CDK5: variants seen among roughly 807,000 people sequenced by gnomAD.
The protein encoded by CDK5 is cyclin-dependent kinase 5.
Under a neutral mutation model 44.6 loss-of-function variants are expected in CDK5, and 18 were observed. The ratio of observed to expected loss-of-function variants is 0.40; its 90% CI spans 0.28 to 0.60. CDK5 has a LOEUF of 0.60. CDK5 is among the 20% of genes least tolerant of loss of function. The probability of loss-of-function intolerance (pLI) is 0.38; values close to 1 mark genes in which losing one functional copy is unlikely to be tolerated. For synonymous variants in CDK5, 143 were observed against 152.8 expected (o/e 0.94, Z 0.47); for missense variants, 198 against 368.1 (o/e 0.54, Z 3.78).
Position 151,055,381 on chromosome 7 carries a change from A to G in CDK5, c.484-8T>C. ...GTACCACAGTGTGACCACCTGGAGG[A>G]GACCCCCCCCGAAAGGGACCTCCCA... On this transcript the variant is annotated splice_region_variant and splice_polypyrimidine_tract_variant and intron_variant, in intron 7 of 11. Transcript: ENST00000485972. The G allele has an allele frequency of 6.2e-7, 1 of 1,609,220 alleles. No individual in the cohort carries two copies. The highest frequency in any genetic ancestry group is 1.7e-5 in the Admixed American group (1 of 59,988).
chr7:151,056,935 T>A lies in CDK5; in HGVS notation c.167A>T (p.Lys56Met). Reference sequence around the variant, plus strand: ...GACGATGTTCTTGTGCTTCAGCTCCTTGAGTAGGCAGATCTCCCGGAGGGC... The same window carrying A: ...GACGATGTTCTTGTGCTTCAGCTCCATGAGTAGGCAGATCTCCCGGAGGGC... Reference protein sequence around the residue: ...SSALREICLLKELKHKNIVRL... With the variant: ...SSALREICLLMELKHKNIVRL... The change falls in exon 3 of 12, where the codon AAG becomes ATG. Residue 56 changes from lysine (K) to methionine (M), a missense_variant. This residue lies in a region of CDK5 where 53 missense variants were observed against 122.7 expected (regional missense o/e 0.43). Coordinates refer to ENST00000485972, the MANE Select transcript of CDK5 (RefSeq NM_004935.4). The surrounding 1 kb of genome is among the most constrained non-coding windows in gnomAD (Gnocchi z 4.7). The A allele has an allele frequency of 6.2e-7, 1 of 1,613,404 alleles. No homozygotes were observed. The highest frequency in any genetic ancestry group is 2.2e-5 in the East Asian group (1 of 44,876).
chr7:151,055,650 G>C (rs1311850814), intron 6 of CDK5, 44 bp from the exon 7 acceptor site: 1 of 1,586,260 alleles, frequency 6.3e-7, no homozygotes, highest in South Asian at 1.1e-5. Flanking sequence ...CCTTTAAAAA[G>C]CCTTGGGACA....
In CDK5 at chr7:151,054,272, G is replaced by A. The variant is rs1467892871; in HGVS notation, c.732C>T (p.Ala244=). 1 of 1,613,814 alleles carries A rather than the reference G, an allele frequency of 6.2e-7. No homozygotes were observed. Among genetic ancestry groups the A allele is most frequent in the Non-Finnish European group, 8.5e-7 (1 of 1,179,772 alleles). ...GCACGACGTTCACCAGGGATGTTGT[G>A]GCCGGGTACATCGGATAGGGCTGTG... ...PDYKPYPMYP[A]TTSLVNVVPK... The change falls in exon 11 of 12, where the codon GCC becomes GCT. Residue 244 remains alanine (A), a synonymous_variant. Transcript: ENST00000485972. This position sits in a 1 kb window ranked among gnomAD's most constrained non-coding sequence, Gnocchi z 5.7.
Position 151,056,076 on chromosome 7 carries a change from A to G in CDK5, c.313-228T>C, listed in dbSNP as rs1796887485. 5.2e-6 allele frequency: 3 copies of G among 576,160 alleles called. No homozygotes were observed. In the African/African-American group the frequency reaches 5.6e-5, roughly 11 times the overall value. 35.7% of individuals were successfully genotyped at this position (576,160 alleles called of 1,614,324 possible). A position where few individuals can be genotyped will look rare whatever the true frequency, so the allele number is the denominator to read the frequency against. On this transcript the variant is annotated intron_variant, in intron 5 of 11. Coordinates refer to ENST00000485972, the MANE Select transcript of CDK5 (RefSeq NM_004935.4). The surrounding 1 kb of genome is among the most constrained non-coding windows in gnomAD (Gnocchi z 4.7). ...GCTCTGGTCCCCACCTTCCTGGACC[A>G]TACAGCCTAATGGGCCTTGGCAGGT... is the stretch of plus-strand genomic sequence containing the variant.
In CDK5 at chr7:151,055,865, A is replaced by G; in HGVS notation, c.313-17T>C. 1 of 1,567,700 alleles carries G rather than the reference A, an allele frequency of 6.4e-7. No individual in the cohort carries two copies. Among genetic ancestry groups the G allele is most frequent in the Non-Finnish European group, 8.7e-7 (1 of 1,145,394 alleles). On this transcript the variant is annotated splice_polypyrimidine_tract_variant and intron_variant, in intron 5 of 11. Transcript: ENST00000485972. ...GAGGAATGACTGGGAGGAGAGAGGGAGAAGGGAGTCAGACGCCCTGAACAT... is the reference window on the plus strand; with the variant it reads ...GAGGAATGACTGGGAGGAGAGAGGGGGAAGGGAGTCAGACGCCCTGAACAT...
Position 151,057,666 on chromosome 7 carries a change from G to A in CDK5, c.37+146C>T. The A allele has an allele frequency of 1.2e-6, 1 of 831,688 alleles. No homozygotes were observed. Among genetic ancestry groups the A allele is most frequent in the African/African-American group, 1.7e-5 (1 of 59,574 alleles). 51.5% of individuals were successfully genotyped at this position (831,688 alleles called of 1,614,324 possible). A position where few individuals can be genotyped will look rare whatever the true frequency, so the allele number is the denominator to read the frequency against. On this transcript the variant is annotated intron_variant, in intron 1 of 11. Transcript: ENST00000485972. The surrounding 1 kb of genome is among the most constrained non-coding windows in gnomAD (Gnocchi z 5.2). ...ACACGGGGAAGACTGGTGTCTGCAC[G>A]GAGTGCTGAGCTAGGGGGCCAGGGC... is the stretch of plus-strand genomic sequence containing the variant.
At position 151,056,063 on chromosome 7, in the gene CDK5, A is replaced by T; in HGVS notation, c.313-215T>A. The T allele has an allele frequency of 1.7e-6, 1 of 581,614 alleles. No individual in the cohort carries two copies. The allele number at this position is 581,614 out of a possible 1,614,324, so 36.0% of individuals were successfully genotyped here. ...AGTAAAGAAGCTGGCTCTGGTCCCC[A>T]CCTTCCTGGACCATACAGCCTAATG... On this transcript the variant is annotated intron_variant, in intron 5 of 11. Transcript: ENST00000485972. This position sits in a 1 kb window ranked among gnomAD's most constrained non-coding sequence, Gnocchi z 4.7.
intron 5 of CDK5, 44 bp from the exon 6 acceptor site, chr7:151,055,892 C>G (rs1420592156): frequency 7.4e-7 from 1 of 1,350,594 alleles, no homozygotes; most frequent in Non-Finnish European, 1.0e-6. Context: ...CCTGAACATG[C>G]AACTGTGCCC....
In CDK5 at chr7:151,055,286, T is replaced by C; in HGVS notation, c.571A>G (p.Ile191Val). 1 of 1,613,472 alleles carries C rather than the reference T, an allele frequency of 6.2e-7. No homozygotes were observed. The highest frequency in any genetic ancestry group is 8.5e-7 in the Non-Finnish European group (1 of 1,179,482). ...TSIDMWSAGCIFAELANAGRP... is the reference protein window; with the variant it reads ...TSIDMWSAGCVFAELANAGRP... ...CACCCCAGCACATCACCTGCAAAGA[T>C]GCAGCCGGCTGACCACATGTCGATG... The change falls in exon 8 of 12, where the codon ATC becomes GTC. Residue 191 changes from isoleucine to valine, a missense_variant. Ile to Val is a conservative substitution (Grantham distance 29). Coordinates refer to ENST00000485972, the MANE Select transcript of CDK5 (RefSeq NM_004935.4).
rs73474614 is a variant in CDK5 at position 151,057,702 on chromosome 7, G to A, written c.37+110C>T. On this transcript the variant is annotated intron_variant, in intron 1 of 11. Transcript: ENST00000485972. This position sits in a 1 kb window ranked among gnomAD's most constrained non-coding sequence, Gnocchi z 5.2. ...CTAGGGGGCCAGGGCTGCAGCCGCT[G>A]CTGAGATCGGAGCCTGTAGGCATTG... is the stretch of plus-strand genomic sequence containing the variant. The A allele has an allele frequency of 2.3e-3, 2,732 of 1,203,988 alleles. 54 individuals are homozygous for A. The African/African-American group carries it at 0.036, about 16-fold the overall frequency. 74.6% of individuals were successfully genotyped at this position (1,203,988 alleles called of 1,614,324 possible). A position where few individuals can be genotyped will look rare whatever the true frequency, so the allele number is the denominator to read the frequency against.
chr7:151,054,896 C>T lies in CDK5; in HGVS notation c.650+131G>A. Reference sequence around the variant, plus strand: ...GGTGTCCAGCACCCCTGCTCTCTCCCCTTGCCCTCAGGAGAAGCCCTACAG... The same window carrying T: ...GGTGTCCAGCACCCCTGCTCTCTCCTCTTGCCCTCAGGAGAAGCCCTACAG... On this transcript the variant is annotated intron_variant, in intron 9 of 11. Coordinates refer to ENST00000485972, the MANE Select transcript of CDK5 (RefSeq NM_004935.4). The surrounding 1 kb of genome is among the most constrained non-coding windows in gnomAD (Gnocchi z 5.7). 1.2e-6 allele frequency: 1 copy of T among 856,468 alleles called. No homozygotes were observed. Among genetic ancestry groups the T allele is most frequent in the African/African-American group, 1.7e-5 (1 of 59,642 alleles). The allele number at this position is 856,468 out of a possible 1,614,324, so 53.1% of individuals were successfully genotyped here.
rs1345560261 is a variant in CDK5 at position 151,057,336 on chromosome 7, G to T, written c.38-176C>A. On this transcript the variant is annotated intron_variant, in intron 1 of 11. Transcript: ENST00000485972. This position sits in a 1 kb window ranked among gnomAD's most constrained non-coding sequence, Gnocchi z 5.2. Reference sequence around the variant, plus strand: ...GTGGCAGGTGGGGAGGGAGGAGAAGGTGCCCACCGAGGCTCCAGGGGCTCG... The same window carrying T: ...GTGGCAGGTGGGGAGGGAGGAGAAGTTGCCCACCGAGGCTCCAGGGGCTCG... 1 of 653,860 alleles carries T rather than the reference G, an allele frequency of 1.5e-6. No individual in the cohort carries two copies. Among genetic ancestry groups the T allele is most frequent in the Non-Finnish European group, 2.8e-6 (1 of 362,736 alleles). 40.5% of individuals were successfully genotyped at this position (653,860 alleles called of 1,614,324 possible).
intron 6 of CDK5, 65 bp from the exon 7 acceptor site, chr7:151,055,671 C>T (rs1796880398): frequency 1.9e-6 from 3 of 1,545,380 alleles, no homozygotes; most frequent in Middle Eastern, 1.8e-4. Context: ...GCACCAACTC[C>T]ATCCTCCCAG....
Position 151,057,105 on chromosome 7 carries a change from A to G in CDK5, c.93T>C (p.Ala31=), listed in dbSNP as rs1327093592. ...AKNRETHEIV[A]LKRVRLDDDD... The stretch of plus-strand genomic sequence containing the variant: ...CGTCATCCAGCCTCACCCGTTTCAG[A>G]GCCACGATCTCATGAGTCTCCCGGT... Residue 31 remains alanine, a synonymous_variant, in exon 2 of 12, where the codon GCT becomes GCC. Coordinates refer to ENST00000485972, the MANE Select transcript of CDK5 (RefSeq NM_004935.4). This position sits in a 1 kb window ranked among gnomAD's most constrained non-coding sequence, Gnocchi z 5.2. 1 of 1,613,762 alleles carries G rather than the reference A, an allele frequency of 6.2e-7. No individual in the cohort carries two copies. The highest frequency in any genetic ancestry group is 1.3e-5 in the African/African-American group (1 of 74,886).
At position 151,055,348 on chromosome 7, in the gene CDK5, G is replaced by T; in HGVS notation, c.509C>A (p.Pro170Gln). The T allele has an allele frequency of 6.2e-7, 1 of 1,613,744 alleles. No individual in the cohort carries two copies. Among genetic ancestry groups the T allele is most frequent in the Non-Finnish European group, 8.5e-7 (1 of 1,179,674 alleles). ...AEVVTLWYRP[P>Q]DVLFGAKLYS... ...CAGCTTGGCCCCAAAGAGGACATCCGGTGGGCGGTACCACAGTGTGACCAC... is the reference window on the plus strand; with the variant it reads ...CAGCTTGGCCCCAAAGAGGACATCCTGTGGGCGGTACCACAGTGTGACCAC... Residue 170 changes from proline to glutamine, a missense_variant, in exon 8 of 12, where the codon CCG becomes CAG. By Grantham distance (76) the Pro-to-Gln change is moderately conservative. This residue lies in a region of CDK5 where 38 missense variants were observed against 115.0 expected (regional missense o/e 0.33). Coordinates refer to ENST00000485972, the MANE Select transcript of CDK5 (RefSeq NM_004935.4).
rs1193843151 is a variant in CDK5 at position 151,056,827 on chromosome 7, G to A, written c.195-31C>T. 7 of 1,602,872 alleles carry A rather than the reference G, an allele frequency of 4.4e-6. No homozygotes were observed. The highest frequency in any genetic ancestry group is 1.1e-5 in the South Asian group (1 of 89,656). ...GCAAAAGAAGGGCTCAGCCAGGCAG[G>A]TCCGCCTGACAGACGTCCAGTGTCA... is the stretch of plus-strand genomic sequence containing the variant. On this transcript the variant is annotated intron_variant, in intron 3 of 11. Transcript: ENST00000485972. The surrounding 1 kb of genome is among the most constrained non-coding windows in gnomAD (Gnocchi z 4.7).
chr7:151,055,695 G>C (rs1383030205), intron 6 of CDK5, 58 bp downstream of exon 6: 8 of 1,531,116 alleles, frequency 5.2e-6, no homozygotes, highest in Non-Finnish European at 6.3e-6. Flanking sequence ...TCTTCCCTCT[G>C]TGCTCCCCGT....
chr7:151,057,427 T>C lies in CDK5; in HGVS notation c.38-267A>G. ...AAATGAAGGCGGTGCTCCGGAAGGGTCTGGAAATAGTGAGGAGGGGTCTGG... is the reference window on the plus strand; with the variant it reads ...AAATGAAGGCGGTGCTCCGGAAGGGCCTGGAAATAGTGAGGAGGGGTCTGG... On this transcript the variant is annotated intron_variant, in intron 1 of 11. Coordinates refer to ENST00000485972, the MANE Select transcript of CDK5 (RefSeq NM_004935.4). The surrounding 1 kb of genome is among the most constrained non-coding windows in gnomAD (Gnocchi z 5.2). 1.7e-6 allele frequency: 1 copy of C among 590,664 alleles called. No individual in the cohort carries two copies. The highest frequency in any genetic ancestry group is 2.0e-5 in the South Asian group (1 of 50,146). 36.6% of individuals were successfully genotyped at this position (590,664 alleles called of 1,614,324 possible). A position where few individuals can be genotyped will look rare whatever the true frequency, so the allele number is the denominator to read the frequency against.
rs1452130709 is a variant in CDK5, at chr7:151,056,222, C to G, written c.312+358G>C. 3 of 516,536 alleles carry G rather than the reference C, an allele frequency of 5.8e-6. No homozygotes were observed. The highest frequency in any genetic ancestry group is 5.7e-5 in the African/African-American group (3 of 52,572). 32.0% of individuals were successfully genotyped at this position (516,536 alleles called of 1,614,324 possible). A position where few individuals can be genotyped will look rare whatever the true frequency, so the allele number is the denominator to read the frequency against. On this transcript the variant is annotated intron_variant, in intron 5 of 11. Transcript: ENST00000485972. The surrounding 1 kb of genome is among the most constrained non-coding windows in gnomAD (Gnocchi z 4.7). ...GCTGTAGTATCATTCAGGACTGGCT[C>G]CCCTGGAACCTGGACCAAGGCATTT...
Sources: gnomAD v4.1 joint callset for allele counts on GRCh38, gnomAD v4.1.1 for gene constraint, gnomAD v4.1.1 regional missense constraint, Gnocchi (gnomAD v3.1) non-coding constraint, MANE v1.5 for transcripts, NCBI Gene and HGNC (gene_info 2026-07-23, HGNC 2026-07-21) for gene names.